The following ZSWIM2 variants were observed in gnomAD, a reference collection of about 807,000 sequenced individuals.
The protein encoded by ZSWIM2 is E3 ubiquitin-protein ligase ZSWIM2.
ZSWIM2 carries 38 observed loss-of-function variants against 48.4 expected under a neutral mutation model. The ratio of observed to expected loss-of-function variants is 0.79; its 90% CI spans 0.61 to 1.03. ZSWIM2 has a LOEUF of 1.03. ZSWIM2 is among the 50% of genes least tolerant of loss of function. The probability of loss-of-function intolerance (pLI) is 0.00; values close to 1 mark genes in which losing one functional copy is unlikely to be tolerated. For synonymous variants in ZSWIM2, 240 were observed against 251.3 expected (o/e 0.96, Z 0.42); for missense variants, 776 against 730.2 (o/e 1.06, Z -0.72).
Position 186,837,387 on chromosome 2 carries a change from G to A in ZSWIM2, c.662C>T (p.Ala221Val). ...FKNSSKLVAAAEKERLDKHLG... is the reference protein window; with the variant it reads ...FKNSSKLVAAVEKERLDKHLG... ...GTGTTTGTCCAGTCTCTCTTTTTCTGCTGCAGCTACTAGTTTGCTAGAGTT... is the reference window on the plus strand; with the variant it reads ...GTGTTTGTCCAGTCTCTCTTTTTCTACTGCAGCTACTAGTTTGCTAGAGTT... Residue 221 changes from alanine to valine, a missense_variant, in exon 5 of 9, where the codon GCA becomes GTA. Ala to Val is a moderately conservative substitution (Grantham distance 64). Transcript: ENST00000295131. The A allele has an allele frequency of 6.2e-7, 1 of 1,612,910 alleles. No homozygotes were observed. Among genetic ancestry groups the A allele is most frequent in the Non-Finnish European group, 8.5e-7 (1 of 1,179,320 alleles).
rs778610800 is a variant in ZSWIM2, at chr2:186,828,567, A to G, written c.1319T>C (p.Ile440Thr). 13 of 1,613,018 alleles carry G rather than the reference A, an allele frequency of 8.1e-6. No individual in the cohort carries two copies. Among genetic ancestry groups the G allele is most frequent in the South Asian group, 1.1e-5 (1 of 91,042 alleles). Residue 440 changes from isoleucine to threonine, a missense_variant, in exon 9 of 9, where the codon ATT becomes ACT. Coordinates refer to ENST00000295131, the MANE Select transcript of ZSWIM2 (RefSeq NM_182521.3). ...ATTACACTGAGGTATGCTAGGTAAA[A>G]TTCCAAGTCTATTTTGTTTTAAGAC... ...GLVLKQNRLG[I>T]LPSIPQCNFD...
Position 186,828,239 on chromosome 2 carries a change from T to C in ZSWIM2, c.1647A>G (p.Lys549=), listed in dbSNP as rs772713551. Reference sequence around the variant, plus strand: ...TCTTCTTTAGGTTGTGGTTATTACATTTACAGCCTTTGGTCATCCGGCTTA... The same window carrying C: ...TCTTCTTTAGGTTGTGGTTATTACACTTACAGCCTTTGGTCATCCGGCTTA... ...TSLSRMTKGC[K]CNNHNLKKTP... is the part of the protein sequence containing the mutation. Residue 549 remains lysine, a synonymous_variant, in exon 9 of 9, where the codon AAA becomes AAG. Coordinates refer to ENST00000295131, the MANE Select transcript of ZSWIM2 (RefSeq NM_182521.3). 2.5e-6 allele frequency: 4 copies of C among 1,613,504 alleles called. No individual in the cohort carries two copies. Among genetic ancestry groups the C allele is most frequent in the East Asian group, 2.2e-5 (1 of 44,870 alleles).
At chr2:186,844,796 T>C (rs1691967009) in intron 2 of ZSWIM2, 39 bp from the exon 3 acceptor site, 1 of 1,510,378 alleles carries the variant, frequency 6.6e-7, no homozygotes, top group African/African-American at 1.4e-5. Context: ...AGACATTTAT[T>C]TTTGGCATAA....
In ZSWIM2 at chr2:186,837,380, T is replaced by C; in HGVS notation, c.669A>G (p.Lys223=). The C allele has an allele frequency of 3.1e-6, 5 of 1,613,014 alleles. No individual in the cohort carries two copies. The highest frequency in any genetic ancestry group is 4.2e-6 in the Non-Finnish European group (5 of 1,179,298). The change falls in exon 5 of 9, where the codon AAA becomes AAG. Residue 223 remains lysine, a synonymous_variant. Coordinates refer to ENST00000295131, the MANE Select transcript of ZSWIM2 (RefSeq NM_182521.3). ...TCCCAAGGTGTTTGTCCAGTCTCTC[T>C]TTTTCTGCTGCAGCTACTAGTTTGC... ...NSSKLVAAAE[K]ERLDKHLGIP... is the part of the protein sequence containing the mutation.
chr2:186,842,271 C>G (rs1051245382), intron 3 of ZSWIM2, among the ~76,000 whole-genome samples: 2 of 151,192 alleles, frequency 1.3e-5, no homozygotes, highest in African/African-American at 4.8e-5. Context: ...TATGTTTATT[C>G]TAGCTTTAAT....
intron 7 of ZSWIM2, among the ~76,000 whole-genome samples, chr2:186,831,355 G>A (rs575012548): frequency 1.0e-4 from 15 of 145,218 alleles, no homozygotes; most frequent in African/African-American, 3.2e-4. Flanking sequence ...GTATGTATAC[G>A]TGTGTGGGGG....
Position 186,828,522 on chromosome 2 carries a change from G to C in ZSWIM2, c.1364C>G (p.Pro455Arg), listed in dbSNP as rs144677125. 306 of 1,613,302 alleles carry C rather than the reference G, an allele frequency of 1.9e-4. No homozygotes were observed. The African/African-American group carries it at 3.9e-3, about 20-fold the overall frequency. Residue 455 changes from proline to arginine, a missense_variant, in exon 9 of 9, where the codon CCT becomes CGT. By Grantham distance (103) the Pro-to-Arg change is moderately radical. Coordinates refer to ENST00000295131, the MANE Select transcript of ZSWIM2 (RefSeq NM_182521.3). The part of the protein sequence containing the change: ...PQCNFDELNT[P>R]QSPKDAYENT... ...TTCATAGGCATCTTTTGGGCTTTGAGGTGTATTCAATTCATCAAAATTACA... is the reference window on the plus strand; with the variant it reads ...TTCATAGGCATCTTTTGGGCTTTGACGTGTATTCAATTCATCAAAATTACA...
intron 7 of ZSWIM2, among the ~76,000 whole-genome samples, chr2:186,830,612 A>G (rs924843619): frequency 5.3e-5 from 8 of 152,038 alleles, no homozygotes; most frequent in African/African-American, 1.9e-4. Flanking sequence ...CCAGGCTACT[A>G]TGATAAATTG....
chr2:186,848,959 T>G lies in ZSWIM2; in HGVS notation c.165+7A>C. ...GGCCAACTGGGGGCGGTAGGGGCGG[T>G]AGTTACTCGGAAATCCATGTATTCC... On this transcript the variant is annotated splice_region_variant and intron_variant, in intron 1 of 8. Coordinates refer to ENST00000295131, the MANE Select transcript of ZSWIM2 (RefSeq NM_182521.3). 1 of 1,613,624 alleles carries G rather than the reference T, an allele frequency of 6.2e-7. No homozygotes were observed. The highest frequency in any genetic ancestry group is 8.5e-7 in the Non-Finnish European group (1 of 1,179,824).
rs1182298085 is a variant in ZSWIM2, at chr2:186,833,984, TA to T, written c.789del (p.Asp263GlufsTer23). On this transcript the variant is annotated frameshift_variant, in exon 6 of 9. Coordinates refer to ENST00000295131, the MANE Select transcript of ZSWIM2 (RefSeq NM_182521.3). LOFTEE classifies it high-confidence loss of function. ...IEYHLCQECF[D>X]SCCHLSHTFT... Reference sequence around the variant, plus strand: ...AACGTGTGGGAAAGATGGCAGCAGCTATCAAAACATTCCTGGCATAAGTGAT... The same window carrying T: ...AACGTGTGGGAAAGATGGCAGCAGCTTCAAAACATTCCTGGCATAAGTGAT... The T allele has an allele frequency of 6.2e-7, 1 of 1,613,334 alleles. No individual in the cohort carries two copies. The highest frequency in any genetic ancestry group is 8.5e-7 in the Non-Finnish European group (1 of 1,179,598).
At chr2:186,848,446 T>C (rs1692044203) in intron 1 of ZSWIM2, among the ~76,000 whole-genome samples, 1 of 152,222 alleles carries the variant, frequency 6.6e-6, no homozygotes, top group Non-Finnish European at 1.5e-5. Flanking sequence ...GGTCTTTCAG[T>C]AAACTTGAAT....
chr2:186,837,290 T>G lies in ZSWIM2; in HGVS notation c.743+16A>C. 1.9e-6 allele frequency: 3 copies of G among 1,608,780 alleles called. No individual in the cohort carries two copies. The highest frequency in any genetic ancestry group is 2.5e-6 in the Non-Finnish European group (3 of 1,177,056). On this transcript the variant is annotated intron_variant, in intron 5 of 8. Coordinates refer to ENST00000295131, the MANE Select transcript of ZSWIM2 (RefSeq NM_182521.3). Reference sequence around the variant, plus strand: ...TAAAAAAGAACACATGCTTATAATTTACGGATAACACTTACTTATAACACT... The same window carrying G: ...TAAAAAAGAACACATGCTTATAATTGACGGATAACACTTACTTATAACACT...
intron 1 of ZSWIM2, among the ~76,000 whole-genome samples, chr2:186,848,167 T>C (rs916787622): frequency 6.6e-6 from 1 of 152,206 alleles, no homozygotes; most frequent in African/African-American, 2.4e-5. Flanking sequence ...TTTTGTTTGG[T>C]GCATTTGAGT....
chr2:186,829,671 C>T, intron 8 of ZSWIM2, 56 bp downstream of exon 8: 1 of 1,565,290 alleles, frequency 6.4e-7, no homozygotes, highest in Non-Finnish European at 8.7e-7. Context: ...ATTGTCACTT[C>T]ATTTGTGAAA....
Position 186,828,531 on chromosome 2 carries a change from A to T in ZSWIM2, c.1355T>A (p.Leu452Ter), listed in dbSNP as rs200793710. ...ATCTTTTGGGCTTTGAGGTGTATTC[A>T]ATTCATCAAAATTACACTGAGGTAT... ...PSIPQCNFDE[L>*]NTPQSPKDAY... Residue 452 changes from leucine (L) to a stop codon, truncating the protein, a stop_gained, in exon 9 of 9, where the codon TTG becomes TAG. Coordinates refer to ENST00000295131, the MANE Select transcript of ZSWIM2 (RefSeq NM_182521.3). LOFTEE classifies it low-confidence loss of function (END_TRUNC). The T allele has an allele frequency of 3.7e-6, 6 of 1,613,368 alleles. No individual in the cohort carries two copies. Among genetic ancestry groups the T allele is most frequent in the Non-Finnish European group, 5.1e-6 (6 of 1,179,652 alleles).
chr2:186,834,023 C>T lies in ZSWIM2; in HGVS notation c.751G>A (p.Glu251Lys), dbSNP rs376901560. 3.4e-5 allele frequency: 54 copies of T among 1,608,294 alleles called. No individual in the cohort carries two copies. The highest frequency in any genetic ancestry group is 1.8e-4 in the East Asian group (8 of 44,824). The change falls in exon 6 of 9, where the codon GAA (glutamate) becomes AAA (lysine). Residue 251 changes from glutamate to lysine, a missense_variant. Coordinates refer to ENST00000295131, the MANE Select transcript of ZSWIM2 (RefSeq NM_182521.3). Reference sequence around the variant, plus strand: ...TGGCATAAGTGATATTCTATGCATTCGGTACACCTAAAAATACAAAACATC... The same window carrying T: ...TGGCATAAGTGATATTCTATGCATTTGGTACACCTAAAAATACAAAACATC... ...PIEGKCYKCTECIEYHLCQEC... is the reference protein window; with the variant it reads ...PIEGKCYKCTKCIEYHLCQEC...
rs1050339252 is a variant in ZSWIM2 at position 186,832,281 on chromosome 2, A to AT, written c.941+838dup. ...AGGTATGTGCCACCACACCCCGCTA[A>AT]TTTTTTTTTGTTTTTTTTTTAGTAG... On this transcript the variant is annotated intron_variant, in intron 7 of 8. Transcript: ENST00000295131. Among the ~76,000 whole-genome samples, 10 of 140,336 alleles carry AT rather than the reference A, an allele frequency of 7.1e-5. No homozygotes were observed. The South Asian group carries it at 7.2e-4, about 10-fold the overall frequency. The allele number at this position is 140,336 out of a possible 152,430, so 92.1% of individuals were successfully genotyped here.
In ZSWIM2 at chr2:186,849,115, A is replaced by T; in HGVS notation, c.16T>A (p.Tyr6Asn). Residue 6 changes from tyrosine (Y) to asparagine (N), a missense_variant, in exon 1 of 9, where the codon TAT becomes AAT. Transcript: ENST00000295131. ...TGTCTTCGCCTTTCAGAGGCCTTAT[A>T]GCCTCGGCGAAGCATGCTGGGTGCG... MLRRGYKASERRRHLS... is the reference protein window; with the variant it reads MLRRGNKASERRRHLS... 6.2e-7 allele frequency: 1 copy of T among 1,611,390 alleles called. No homozygotes were observed. Among genetic ancestry groups the T allele is most frequent in the Non-Finnish European group, 8.5e-7 (1 of 1,178,246 alleles).
At chr2:186,840,633 C>A (rs1691887859) in intron 3 of ZSWIM2, among the ~76,000 whole-genome samples, 2 of 151,358 alleles carry the variant, frequency 1.3e-5, no homozygotes, top group Admixed American at 6.6e-5. Context: ...CAAATACCAA[C>A]CTCCAACTTA....
Sources: gnomAD v4.1 joint callset for allele counts (sites outside exome capture counted in the v4.1 genomes callset) on GRCh38, gnomAD v4.1.1 for gene constraint, MANE v1.5 for transcripts, NCBI Gene and HGNC (gene_info 2026-07-23, HGNC 2026-07-21) for gene names.